Variants in GABBR2 observed in about 807,000 individuals in gnomAD.
GABBR2 encodes G-protein coupled receptor 51.
In GABBR2, 23 loss-of-function variants were observed where a neutral mutation model predicts 105.6. The observed-to-expected ratio is 0.22, with a 90% CI of 0.16 to 0.31. GABBR2 has a LOEUF of 0.31. Among genes scored for constraint, GABBR2 ranks in the 10% least tolerant of loss-of-function variants. The pLI is 1.00. For synonymous variants in GABBR2, 478 were observed against 499.7 expected, an observed-to-expected ratio of 0.96 and a Z score of 0.58; for missense variants, 734 against 1,245.5, an observed-to-expected ratio of 0.59 and a Z score of 6.18.
intron 7 of GABBR2, among the ~76,000 whole-genome samples, chr9:98,438,533 A>G (rs985993171): frequency 2.0e-5 from 3 of 152,186 alleles, no homozygotes; most frequent in Non-Finnish European, 2.9e-5. Context: ...GAAAGACCCT[A>G]CCCTCAAGGA....
At chr9:98,398,332 C>CA (rs61193771) in intron 8 of GABBR2, among the ~76,000 whole-genome samples, 4,906 of 151,756 alleles carry the variant, frequency 0.032, 281 homozygotes, top group African/African-American at 0.11. Flanking sequence ...ACCCACCCCC[C>CA]AAACTCAGGC....
chr9:98,644,499 C>T (rs1445018906), intron 1 of GABBR2, among the ~76,000 whole-genome samples: 4 of 152,176 alleles, frequency 2.6e-5, no homozygotes, highest in East Asian at 3.8e-4. Flanking sequence ...TGGGCCAACC[C>T]GGTTCTCCTG....
chr9:98,625,583 A>T (rs1829726741), intron 1 of GABBR2, among the ~76,000 whole-genome samples: 1 of 152,184 alleles, frequency 6.6e-6, no homozygotes, highest in Non-Finnish European at 1.5e-5. Context: ...GAGAGTGTCA[A>T]ATGAGACAAC....
chr9:98,471,690 A>G (rs1196341925), intron 6 of GABBR2, among the ~76,000 whole-genome samples: 2 of 152,140 alleles, frequency 1.3e-5, no homozygotes, highest in East Asian at 3.9e-4. Context: ...AAGCCTCTCC[A>G]TTTAGTTACT....
At chr9:98,360,756 A>AAAC in intron 13 of GABBR2, among the ~76,000 whole-genome samples, 1 of 152,178 alleles carries the variant, frequency 6.6e-6, no homozygotes, top group Admixed American at 6.5e-5. Flanking sequence ...CCTTGTTTAA[A>AAAC]CGGTCCAGTA....
At chr9:98,507,818 C>G (rs13289887) in intron 3 of GABBR2, among the ~76,000 whole-genome samples, 52,505 of 152,056 alleles carry the variant, frequency 0.35, 9,326 homozygotes, top group Middle Eastern at 0.5. Context: ...ACACCTCTTG[C>G]CCCTCCAGAT....
At chr9:98,337,736 A>C (rs1452376439) in intron 13 of GABBR2, among the ~76,000 whole-genome samples, 1 of 152,160 alleles carries the variant, frequency 6.6e-6, no homozygotes, top group Non-Finnish European at 1.5e-5. Context: ...TGGGGAAAGG[A>C]TATTCTTTTC....
chr9:98,513,003 C>G (rs1281228225), intron 3 of GABBR2, among the ~76,000 whole-genome samples: 1 of 151,732 alleles, frequency 6.6e-6, no homozygotes, highest in African/African-American at 2.4e-5. Context: ...TGACTTCAAA[C>G]TATACTACAA....
At chr9:98,605,918 T>C (rs573210672) in intron 1 of GABBR2, among the ~76,000 whole-genome samples, 4 of 152,062 alleles carry the variant, frequency 2.6e-5, no homozygotes, top group African/African-American at 7.2e-5. Flanking sequence ...ATGCTATCCC[T>C]CCCCCGTCCC....
intron 1 of GABBR2, among the ~76,000 whole-genome samples, chr9:98,622,360 G>A (rs911335230): frequency 8.6e-5 from 13 of 151,982 alleles, no homozygotes; most frequent in Admixed American, 2.0e-4. Flanking sequence ...GGGATGGGGC[G>A]TCACCATGTT....
Position 98,388,660 on chromosome 9 carries a change from T to TGTGTGTGTGTGC in GABBR2, c.1529+193_1529+194insGCACACACACAC, listed in dbSNP as rs1053006846. On this transcript the variant is annotated intron_variant, in intron 10 of 18. Coordinates refer to ENST00000259455, the MANE Select transcript of GABBR2 (RefSeq NM_005458.8). The surrounding 1 kb of genome is among the most constrained non-coding windows in gnomAD (Gnocchi z 4.4). The stretch of plus-strand genomic sequence containing the variant: ...GTGTGTGTGTGTGTGTGTGTGTGTG[T>TGTGTGTGTGTGC]GCGTGCACGCACACACACGTACTCA... Among the ~76,000 whole-genome samples, 15 of 141,792 alleles carry TGTGTGTGTGTGC rather than the reference T, an allele frequency of 1.1e-4. No individual in the cohort carries two copies. Among genetic ancestry groups the TGTGTGTGTGTGC allele is most frequent in the African/African-American group, 3.9e-4 (14 of 36,010 alleles). The allele number at this position is 141,792 out of a possible 152,430, so 93.0% of individuals were successfully genotyped here.
At chr9:98,494,717 C>A (rs1000185516) in intron 4 of GABBR2, among the ~76,000 whole-genome samples, 2 of 152,206 alleles carry the variant, frequency 1.3e-5, no homozygotes, top group African/African-American at 2.4e-5. Flanking sequence ...GGGCTCTGCA[C>A]AGGGCCTGGC....
chr9:98,342,068 G>A (rs567465825), intron 13 of GABBR2, among the ~76,000 whole-genome samples: 3 of 152,156 alleles, frequency 2.0e-5, no homozygotes, highest in South Asian at 2.1e-4. Flanking sequence ...AGAGGGGACC[G>A]GCACACAGAC....
intron 2 of GABBR2, among the ~76,000 whole-genome samples, chr9:98,571,176 G>T (rs1296022521): frequency 6.6e-6 from 1 of 152,206 alleles, no homozygotes; most frequent in Non-Finnish European, 1.5e-5. Context: ...GCACCAGGAA[G>T]AATGAGCATA....
chr9:98,675,331 G>A (rs1830461641), intron 1 of GABBR2, among the ~76,000 whole-genome samples: 1 of 152,066 alleles, frequency 6.6e-6, no homozygotes, highest in African/African-American at 2.4e-5. Flanking sequence ...GTGAACGGCT[G>A]TGGCAGGTGC....
intron 2 of GABBR2, among the ~76,000 whole-genome samples, chr9:98,555,362 A>C (rs951662256): frequency 1.3e-5 from 2 of 152,246 alleles, no homozygotes; most frequent in Non-Finnish European, 2.9e-5. Flanking sequence ...TCCAAATCCT[A>C]ATCTATTATT....
In GABBR2 at chr9:98,480,952, C is replaced by T; in HGVS notation, c.778G>A (p.Ala260Thr). 1 of 1,602,782 alleles carries T rather than the reference C, an allele frequency of 6.2e-7. No homozygotes were observed. The highest frequency in any genetic ancestry group is 8.5e-7 in the Non-Finnish European group (1 of 1,169,670). Residue 260 changes from alanine (A) to threonine (T), a missense_variant, in exon 5 of 19, where the codon GCA (alanine) becomes ACA (threonine). Physicochemically the swap from Ala to Thr is moderately conservative, Grantham distance 58. Around this residue, in one of 7 missense-constraint regions of GABBR2, gnomAD observed 370 missense variants for 648.9 expected, o/e 0.57. Coordinates refer to ENST00000259455, the MANE Select transcript of GABBR2 (RefSeq NM_005458.8). ...IILGQFDQNM[A>T]AKVFCCAYEE... ...CTTACACAACAGAACACTTTTGCTGCCATATTCTGGTCAAACTGGCCAAGG... is the reference window on the plus strand; with the variant it reads ...CTTACACAACAGAACACTTTTGCTGTCATATTCTGGTCAAACTGGCCAAGG...
Position 98,293,707 on chromosome 9 carries a change from A to G in GABBR2, c.2660+78T>C, listed in dbSNP as rs878996770. ...CAAATAAAATAATGGATGTGAAAACATCGTGCAAATTGCAAACTCTTGTGC... is the reference window on the plus strand; with the variant it reads ...CAAATAAAATAATGGATGTGAAAACGTCGTGCAAATTGCAAACTCTTGTGC... On this transcript the variant is annotated intron_variant, in intron 18 of 18. Coordinates refer to ENST00000259455, the MANE Select transcript of GABBR2 (RefSeq NM_005458.8). 39 of 767,696 alleles carry G rather than the reference A, an allele frequency of 5.1e-5. No homozygotes were observed. The South Asian group carries it at 5.4e-4, about 11-fold the overall frequency. 47.6% of individuals were successfully genotyped at this position (767,696 alleles called of 1,614,324 possible). A position where few individuals can be genotyped will look rare whatever the true frequency, so the allele number is the denominator to read the frequency against.
At chr9:98,400,890 G>A (rs1355411820) in intron 8 of GABBR2, among the ~76,000 whole-genome samples, 1 of 149,046 alleles carries the variant, frequency 6.7e-6, no homozygotes, top group African/African-American at 2.6e-5. Flanking sequence ...GTGGGATATG[G>A]GAATAAAGGA....
Sources: gnomAD v4.1 joint callset for allele counts (sites outside exome capture counted in the v4.1 genomes callset) on GRCh38, gnomAD v4.1.1 for gene constraint, gnomAD v4.1.1 regional missense constraint, Gnocchi (gnomAD v3.1) non-coding constraint, MANE v1.5 for transcripts, NCBI Gene and HGNC (gene_info 2026-07-23, HGNC 2026-07-21) for gene names.